SLC17A9: variants seen among roughly 807,000 people sequenced by gnomAD.
SLC17A9 encodes solute carrier family 17 member 9, also known as voltage-gated purine nucleotide uniporter SLC17A9.
Under a neutral mutation model 55.0 loss-of-function variants are expected in SLC17A9, and 49 were observed. The ratio of observed to expected loss-of-function variants is 0.89; its 90% confidence interval spans 0.71 to 1.13. SLC17A9 has a LOEUF of 1.13. Ranked by LOEUF, SLC17A9 falls within the 50% of genes most tolerant of loss-of-function variation. The pLI, the probability that SLC17A9 is intolerant of heterozygous loss-of-function variation, is 0.00. For missense variants in SLC17A9, 526 were observed against 569.3 expected (o/e 0.92, Z 0.77); for synonymous variants, 256 against 247.4 (o/e 1.03, Z -0.32).
chr20:62,961,554 G>C (rs964112935), intron 4 of SLC17A9, among the ~76,000 whole-genome samples: 1 of 152,168 alleles, frequency 6.6e-6, no homozygotes, highest in Non-Finnish European at 1.5e-5. Context: ...GGAGCTGACC[G>C]GGGCTTCCCA....
chr20:62,963,008 G>T, intron 5 of SLC17A9: 2 of 643,052 alleles, frequency 3.1e-6, no homozygotes, highest in South Asian at 3.9e-5. Context: ...TCAAGGCAGG[G>T]TGCAGGAGCA....
chr20:62,959,183 G>A (rs1053232919), intron 3 of SLC17A9, among the ~76,000 whole-genome samples: 13 of 152,210 alleles, frequency 8.5e-5, no homozygotes, highest in Admixed American at 5.9e-4. Flanking sequence ...GCCTCGGACT[G>A]GGCTGACCAA....
Position 62,965,560 on chromosome 20 carries a change from T to C in SLC17A9, c.946-50T>C, listed in dbSNP as rs555129951. On this transcript the variant is annotated intron_variant, in intron 9 of 12. Coordinates refer to ENST00000370351, the MANE Select transcript of SLC17A9 (RefSeq NM_022082.4). Reference sequence around the variant, plus strand: ...GGGCAGCTGAGTCAGGAGAGGGCCCTGCTGCAGGCGGGCTGGGTGCCTCTC... The same window carrying C: ...GGGCAGCTGAGTCAGGAGAGGGCCCCGCTGCAGGCGGGCTGGGTGCCTCTC... 2.4e-5 allele frequency: 38 copies of C among 1,552,150 alleles called. No homozygotes were observed. In the African/African-American group the frequency reaches 4.3e-4, roughly 18 times the overall value.
intron 1 of SLC17A9, chr20:62,953,282 A>G (rs1237466206): frequency 6.5e-7 from 1 of 1,548,832 alleles, no homozygotes; most frequent in Admixed American, 2.0e-5. Flanking sequence ...GGTAGGGGGC[A>G]CGGGCTGGAG....
chr20:62,966,888 CT>C (rs1451205330), intron 12 of SLC17A9, 156 bp downstream of exon 12: 4 of 938,742 alleles, frequency 4.3e-6, no homozygotes, highest in African/African-American at 1.7e-5. Flanking sequence ...GAGGATGGGG[CT>C]GCCTTCCAGG....
chr20:62,954,448 T>G (rs2065518603), intron 1 of SLC17A9, among the ~76,000 whole-genome samples: 2 of 152,248 alleles, frequency 1.3e-5, no homozygotes, highest in Non-Finnish European at 2.9e-5. Flanking sequence ...GGATGCTGCT[T>G]CTGCACAGGG....
chr20:62,963,671 C>T lies in SLC17A9; in HGVS notation c.813C>T (p.Pro271=), dbSNP rs775071698. 2.8e-5 allele frequency: 45 copies of T among 1,595,154 alleles called. No individual in the cohort carries two copies. Among genetic ancestry groups the T allele is most frequent in the Admixed American group, 5.2e-5 (3 of 57,310 alleles). The change falls in exon 7 of 13, where the codon CCC becomes CCT. Residue 271 remains proline (P), a synonymous_variant. Coordinates refer to ENST00000370351, the MANE Select transcript of SLC17A9 (RefSeq NM_022082.4). Reference sequence around the variant, plus strand: ...CCACCTTCTTCGAGGAGACCTTCCCCGACGCCAAGGTGAGTCGGGGGCTCC... The same window carrying T: ...CCACCTTCTTCGAGGAGACCTTCCCTGACGCCAAGGTGAGTCGGGGGCTCC... The part of the protein sequence containing the change: ...WLPTFFEETF[P]DAKGWIFNVV...
chr20:62,959,285 C>G (rs2427459), intron 3 of SLC17A9, among the ~76,000 whole-genome samples: 1 of 152,096 alleles, frequency 6.6e-6, no homozygotes, highest in Non-Finnish European at 1.5e-5. Context: ...AGCCAGACCC[C>G]GTAGGCTCGC....
intron 1 of SLC17A9, among the ~76,000 whole-genome samples, chr20:62,955,747 G>T (rs183874424): frequency 4.6e-5 from 7 of 152,354 alleles, no homozygotes; most frequent in African/African-American, 1.7e-4. Context: ...CTGGGGCTAG[G>T]TAAACAACAG....
Position 62,966,596 on chromosome 20 carries a change from T to G in SLC17A9, c.1117+16T>G, listed in dbSNP as rs1568918492. On this transcript the variant is annotated intron_variant, in intron 11 of 12. Coordinates refer to ENST00000370351, the MANE Select transcript of SLC17A9 (RefSeq NM_022082.4). ...TTTCTGTTTGGTGAGGACCTTGCCT[T>G]ACCCCAGCTTTGCCCCTCCCTGGGC... The G allele has an allele frequency of 6.2e-6, 9 of 1,456,294 alleles. No individual in the cohort carries two copies. The highest frequency in any genetic ancestry group is 8.2e-6 in the Non-Finnish European group (9 of 1,098,850). The allele number at this position is 1,456,294 out of a possible 1,614,324, so 90.2% of individuals were successfully genotyped here.
chr20:62,965,263 G>A (rs912049765), intron 9 of SLC17A9, 97 bp downstream of exon 9: 1 of 1,525,476 alleles, frequency 6.6e-7, no homozygotes, highest in East Asian at 2.3e-5. Flanking sequence ...CCTGATATCT[G>A]GGACCAGGCA....
At chr20:62,963,912 C>T (rs1012003574) in intron 7 of SLC17A9, 13 of 595,980 alleles carry the variant, frequency 2.2e-5, no homozygotes, top group Admixed American at 6.0e-5. Flanking sequence ...CTTCCTGCTG[C>T]GGCTGCAGCC....
At chr20:62,961,680 A>G (rs2065590266) in intron 4 of SLC17A9, among the ~76,000 whole-genome samples, 1 of 152,214 alleles carries the variant, frequency 6.6e-6, no homozygotes, top group Admixed American at 6.5e-5. Context: ...AGATTCATCA[A>G]GTAAAAACAG....
intron 3 of SLC17A9, among the ~76,000 whole-genome samples, chr20:62,959,199 C>T (rs1366128341): frequency 2.0e-5 from 3 of 152,168 alleles, no homozygotes; most frequent in African/African-American, 7.2e-5. Context: ...ACCAATGCCT[C>T]TAAGTGTCGC....
Position 62,958,155 on chromosome 20 carries a change from G to T in SLC17A9, c.397+575G>T, listed in dbSNP as rs1007931922. Among the ~76,000 whole-genome samples the T allele has an allele frequency of 2.0e-5, 3 of 152,150 alleles. No homozygotes were observed. Among genetic ancestry groups the T allele is most frequent in the African/African-American group, 7.2e-5 (3 of 41,434 alleles). ...CGTGTGTACGTGCGTGAGTGTGCCC[G>T]TATGAGGGTGTACGTGTGGCCATGT... is the stretch of plus-strand genomic sequence containing the variant. On this transcript the variant is annotated intron_variant, in intron 3 of 12. Transcript: ENST00000370351. This position sits in a 1 kb window ranked among gnomAD's most constrained non-coding sequence, Gnocchi z 4.1.
Position 62,967,613 on chromosome 20 carries a change from A to G in SLC17A9, c.*113A>G. ...GTCAGACACACGAGCAGAGAGGAAC[A>G]CAAACCACTGTGGAGCCTGAAGCTC... On this transcript the variant is annotated 3_prime_UTR_variant, in exon 13 of 13. Coordinates refer to ENST00000370351, the MANE Select transcript of SLC17A9 (RefSeq NM_022082.4). 3 of 1,142,986 alleles carry G rather than the reference A, an allele frequency of 2.6e-6. No homozygotes were observed. The highest frequency in any genetic ancestry group is 3.0e-4 in the Middle Eastern group (1 of 3,344). The allele number at this position is 1,142,986 out of a possible 1,614,324, so 70.8% of individuals were successfully genotyped here. A position where few individuals can be genotyped will look rare whatever the true frequency, so the allele number is the denominator to read the frequency against.
intron 12 of SLC17A9, 140 bp downstream of exon 12, chr20:62,966,872 G>C (rs2065645601): frequency 9.1e-7 from 1 of 1,093,206 alleles, no homozygotes; most frequent in East Asian, 2.5e-5. Context: ...AGCAGGCCCA[G>C]GAGAGGAGGA....
At chr20:62,953,734 A>T (rs149081090) in intron 1 of SLC17A9, among the ~76,000 whole-genome samples, 2 of 152,256 alleles carry the variant, frequency 1.3e-5, no homozygotes, top group African/African-American at 4.8e-5. Flanking sequence ...TCCCAGCTGT[A>T]TGAGGGCTGA....
intron 3 of SLC17A9, 128 bp downstream of exon 3, chr20:62,957,708 A>G: frequency 1.3e-6 from 1 of 796,080 alleles, no homozygotes; most frequent in Non-Finnish European, 1.8e-6. Context: ...GTGTATGGGC[A>G]TGCCCGCGTG....
Sources: allele counts gnomAD v4.1 joint callset (sites outside exome capture counted in the v4.1 genomes callset), GRCh38; gene constraint gnomAD v4.1.1; non-coding constraint Gnocchi (gnomAD v3.1); transcripts MANE v1.5; gene names NCBI Gene and HGNC (gene_info 2026-07-23, HGNC 2026-07-21).